Variants in FAM135B observed in about 807,000 individuals in gnomAD.
The protein encoded by FAM135B is protein FAM135B.
In FAM135B, 43 loss-of-function variants were observed where a neutral mutation model predicts 127.7. That is an observed-to-expected ratio of 0.34 (90% CI 0.26 to 0.43). The LOEUF (loss-of-function observed/expected upper bound fraction) is 0.43. FAM135B is among the 20% of genes least tolerant of loss of function. The probability of loss-of-function intolerance (pLI) is 1.00; values close to 1 mark genes in which losing one functional copy is unlikely to be tolerated. For missense variants in FAM135B, 1,558 were observed against 1,725.6 expected, an observed-to-expected ratio of 0.90 and a Z score of 1.72; for synonymous variants, 670 against 665.1, an observed-to-expected ratio of 1.01 and a Z score of -0.11.
intron 3 of FAM135B, among the ~76,000 whole-genome samples, chr8:138,282,580 A>G (rs1330755172): frequency 1.3e-5 from 2 of 152,230 alleles, no homozygotes; most frequent in African/African-American, 4.8e-5. Context: ...ATGAAAGGTT[A>G]TTCCACATCA....
chr8:138,273,352 C>T (rs1472556976), intron 3 of FAM135B, among the ~76,000 whole-genome samples: 12 of 152,196 alleles, frequency 7.9e-5, no homozygotes, highest in Middle Eastern at 3.4e-3. Context: ...ATTACAGGTG[C>T]ATGCCACCAT....
At chr8:138,326,995 T>A (rs1827832917) in intron 2 of FAM135B, among the ~76,000 whole-genome samples, 1 of 152,078 alleles carries the variant, frequency 6.6e-6, no homozygotes, top group Non-Finnish European at 1.5e-5. Flanking sequence ...AAGTCTGTGC[T>A]AGATCTCATG....
At chr8:138,453,771 T>G (rs548483119) in intron 1 of FAM135B, among the ~76,000 whole-genome samples, 1 of 152,302 alleles carries the variant, frequency 6.6e-6, no homozygotes, top group South Asian at 2.1e-4. Flanking sequence ...CTCAGCACCT[T>G]ACATGTTATT....
At chr8:138,456,187 A>G (rs1391683719) in intron 1 of FAM135B, among the ~76,000 whole-genome samples, 2 of 152,182 alleles carry the variant, frequency 1.3e-5, no homozygotes, top group East Asian at 1.9e-4. Flanking sequence ...CAAACACAAC[A>G]AAACTGTGAA....
intron 12 of FAM135B, among the ~76,000 whole-genome samples, chr8:138,163,597 T>C (rs1819618202): frequency 6.6e-6 from 1 of 152,174 alleles, no homozygotes; most frequent in Non-Finnish European, 1.5e-5. Flanking sequence ...CCCTTTCACT[T>C]GGCTCTCATT....
chr8:138,392,759 G>T (rs1832649737), intron 1 of FAM135B, among the ~76,000 whole-genome samples: 1 of 152,018 alleles, frequency 6.6e-6, no homozygotes. Flanking sequence ...GTCCAGCAGG[G>T]TCCTAGCAGG....
intron 2 of FAM135B, among the ~76,000 whole-genome samples, chr8:138,342,249 C>A (rs916280533): frequency 2.6e-5 from 4 of 152,188 alleles, no homozygotes; most frequent in Non-Finnish European, 4.4e-5. Context: ...AGAGCACTCT[C>A]AAGGGAGTAA....
At position 138,336,876 on chromosome 8, in the gene FAM135B, G is replaced by A. The variant is rs200113427; in HGVS notation, c.78-25956C>T. 7.9e-5 allele frequency among the ~76,000 whole-genome samples: 12 copies of A among 152,178 alleles called. No individual in the cohort carries two copies. The East Asian group carries it at 1.4e-3, about 17-fold the overall frequency. The stretch of plus-strand genomic sequence containing the variant: ...ATCCTCAATAAAATACTGGCAAACC[G>A]AATCCAGCAGCACATCAAAAAGCTT... On this transcript the variant is annotated intron_variant, in intron 2 of 19. Coordinates refer to ENST00000395297, the MANE Select transcript of FAM135B (RefSeq NM_015912.4).
intron 2 of FAM135B, among the ~76,000 whole-genome samples, chr8:138,329,968 G>A (rs1045603033): frequency 1.4e-4 from 22 of 152,254 alleles, no homozygotes; most frequent in African/African-American, 4.1e-4. Flanking sequence ...GCTTGATAAA[G>A]TTATGTTGAA....
intron 7 of FAM135B, among the ~76,000 whole-genome samples, chr8:138,201,171 G>A (rs1817088456): frequency 6.6e-6 from 1 of 152,182 alleles, no homozygotes; most frequent in South Asian, 2.1e-4. Context: ...CTGACTTCAA[G>A]CGGTCCTTAG....
At chr8:138,412,557 T>C (rs1168132060) in intron 1 of FAM135B, among the ~76,000 whole-genome samples, 2 of 152,188 alleles carry the variant, frequency 1.3e-5, no homozygotes, top group Non-Finnish European at 2.9e-5. Context: ...TCCAGTCACC[T>C]TCATGCAGGT....
chr8:138,201,403 A>T (rs149576782), intron 7 of FAM135B, among the ~76,000 whole-genome samples: 1 of 152,238 alleles, frequency 6.6e-6, no homozygotes, highest in Non-Finnish European at 1.5e-5. Context: ...TTGAAATAAT[A>T]ATAAGTCAAA....
At chr8:138,146,132 C>T (rs777743079) in intron 14 of FAM135B, 82 bp from the exon 15 acceptor site, 56 of 698,304 alleles carry the variant, frequency 8.0e-5, no homozygotes, top group Non-Finnish European at 1.3e-4. Context: ...CTTTCTCTCT[C>T]CCTCTTTCCC....
chr8:138,210,116 C>T (rs1292827725), intron 7 of FAM135B, among the ~76,000 whole-genome samples: 1 of 152,218 alleles, frequency 6.6e-6, no homozygotes, highest in African/African-American at 2.4e-5. Flanking sequence ...GACATGTCTG[C>T]AGAATAAGTA....
At chr8:138,206,303 C>A in intron 7 of FAM135B, among the ~76,000 whole-genome samples, 1 of 151,028 alleles carries the variant, frequency 6.6e-6, no homozygotes, top group African/African-American at 2.4e-5. Context: ...CTATCATCCC[C>A]TCCACCTACC....
chr8:138,229,437 A>G (rs916901868), intron 7 of FAM135B, among the ~76,000 whole-genome samples: 1 of 152,022 alleles, frequency 6.6e-6, no homozygotes, highest in African/African-American at 2.4e-5. Context: ...CCTTTCATCT[A>G]GGGCGCCTTT....
chr8:138,323,983 C>CT (rs1827629957), intron 2 of FAM135B, among the ~76,000 whole-genome samples: 2 of 152,218 alleles, frequency 1.3e-5, no homozygotes, highest in South Asian at 4.1e-4. Context: ...TCCAACAGGG[C>CT]TTGGGGCCAA....
chr8:138,158,208 C>CT (rs1818963655), intron 12 of FAM135B, among the ~76,000 whole-genome samples: 1 of 152,122 alleles, frequency 6.6e-6, no homozygotes, highest in Admixed American at 6.5e-5. Flanking sequence ...AAAGGATTCC[C>CT]TTTTTAAATA....
intron 1 of FAM135B, among the ~76,000 whole-genome samples, chr8:138,449,131 T>C (rs1450950382): frequency 6.6e-6 from 1 of 152,196 alleles, no homozygotes; most frequent in Non-Finnish European, 1.5e-5. Context: ...AGCTGCTATC[T>C]GCTAAGCACC....
Sources: gnomAD v4.1 joint callset for allele counts (sites outside exome capture counted in the v4.1 genomes callset) on GRCh38, gnomAD v4.1.1 for gene constraint, MANE v1.5 for transcripts, NCBI Gene and HGNC (gene_info 2026-07-23, HGNC 2026-07-21) for gene names.